CFAP44: variants seen among roughly 807,000 people sequenced by gnomAD.
CFAP44 encodes the protein cilia and flagella associated protein 44, also known as cilia- and flagella-associated protein 44.
Under a neutral mutation model 216.2 loss-of-function variants are expected in CFAP44, and 134 were observed. The ratio of observed to expected loss-of-function variants is 0.62; its 90% confidence interval spans 0.54 to 0.72. CFAP44 has a LOEUF of 0.72. Among genes scored for constraint, CFAP44 ranks in the 30% least tolerant of loss-of-function variants. The pLI is 0.00. For missense variants in CFAP44, 2,035 were observed against 2,182.1 expected (o/e 0.93, Z 1.34); for synonymous variants, 700 against 727.6 (o/e 0.96, Z 0.61).
At chr3:113,327,529 T>C (rs1454549222) in intron 27 of CFAP44, 87 bp downstream of exon 27, 4 of 1,198,482 alleles carry the variant, frequency 3.3e-6, no homozygotes, top group Non-Finnish European at 4.6e-6. Context: ...CTAGAACAAG[T>C]GGGAGATTTG....
intron 28 of CFAP44, among the ~76,000 whole-genome samples, chr3:113,320,486 T>C (rs1226103973): frequency 1.0e-5 from 1 of 99,682 alleles, no homozygotes; most frequent in Non-Finnish European, 2.2e-5. Context: ...ATATATGATA[T>C]ATAGATGTAA....
rs1322621351 is a variant in CFAP44, at chr3:113,290,303, A to T, written c.*1254T>A. The T allele has an allele frequency of 6.6e-6, 1 of 152,264 alleles. No homozygotes were observed. The highest frequency in any genetic ancestry group is 1.5e-5 in the Non-Finnish European group (1 of 68,048). 9.4% of individuals were successfully genotyped at this position (152,264 alleles called of 1,614,324 possible). A position where few individuals can be genotyped will look rare whatever the true frequency, so the allele number is the denominator to read the frequency against. On this transcript the variant is annotated 3_prime_UTR_variant, in exon 35 of 35. Coordinates refer to ENST00000393845, the MANE Select transcript of CFAP44 (RefSeq NM_001164496.2). ...TTAAATAGGAATATGAAGGAATCTTAGGAAGACAATAGGCCAAGTGGCCAC... is the reference window on the plus strand; with the variant it reads ...TTAAATAGGAATATGAAGGAATCTTTGGAAGACAATAGGCCAAGTGGCCAC...
intron 18 of CFAP44, 65 bp downstream of exon 18, chr3:113,373,346 G>T: frequency 7.5e-7 from 1 of 1,335,012 alleles, no homozygotes; most frequent in African/African-American, 1.5e-5. Context: ...CAATATCCAT[G>T]ATGAACAAAA....
intron 32 of CFAP44, among the ~76,000 whole-genome samples, chr3:113,302,764 C>A (rs1576537144): frequency 8.1e-6 from 1 of 123,622 alleles, no homozygotes; most frequent in Admixed American, 8.7e-5. Context: ...TAGAGTGAGA[C>A]TCCATCTCAA....
At position 113,291,465 on chromosome 3, in the gene CFAP44, T is replaced by A; in HGVS notation, c.*92A>T. ...TTTTACACTTTCAGGCGAGTTCAGT[T>A]TAAAGTAATAAGATTGTTGGAGGTG... On this transcript the variant is annotated 3_prime_UTR_variant, in exon 35 of 35. Transcript: ENST00000393845. The A allele has an allele frequency of 7.1e-7, 1 of 1,401,786 alleles. No homozygotes were observed. Among genetic ancestry groups the A allele is most frequent in the South Asian group, 1.4e-5 (1 of 71,212 alleles). The allele number at this position is 1,401,786 out of a possible 1,614,324, so 86.8% of individuals were successfully genotyped here. A position where few individuals can be genotyped will look rare whatever the true frequency, so the allele number is the denominator to read the frequency against.
chr3:113,415,422 T>C (rs2107384692), intron 6 of CFAP44, among the ~76,000 whole-genome samples: 2 of 152,302 alleles, frequency 1.3e-5, no homozygotes, highest in South Asian at 4.1e-4. Context: ...ATTCATTTGC[T>C]CTTGCCTCTC....
intron 22 of CFAP44, 123 bp downstream of exon 22, chr3:113,358,622 A>G: frequency 8.0e-7 from 1 of 1,256,608 alleles, no homozygotes; most frequent in Non-Finnish European, 1.0e-6. Flanking sequence ...ATTCCTTGAG[A>G]TTTCAAGTCA....
At chr3:113,394,663 A>G (rs1236067800) in intron 15 of CFAP44, among the ~76,000 whole-genome samples, 1 of 152,170 alleles carries the variant, frequency 6.6e-6, no homozygotes, top group Non-Finnish European at 1.5e-5. Flanking sequence ...CCACACTGCA[A>G]AAAGAAGAAT....
chr3:113,403,891 C>T lies in CFAP44; in HGVS notation c.1131G>A (p.Glu377=), dbSNP rs147735822. The T allele has an allele frequency of 5.0e-6, 8 of 1,614,114 alleles. No individual in the cohort carries two copies. The African/African-American group carries it at 8.0e-5, about 16-fold the overall frequency. The change falls in exon 9 of 35, where the codon GAG becomes GAA. Residue 377 remains glutamate (E), a synonymous_variant. Transcript: ENST00000393845. ...NGPINQIMLY[E]GEVITVGSDG... ...CTGACCCAACAGTGATAACTTCACC[C>T]TCATACAGCATTATCTGGTTAATGG...
At chr3:113,336,519 T>C (rs1264223384) in intron 24 of CFAP44, among the ~76,000 whole-genome samples, 4 of 151,922 alleles carry the variant, frequency 2.6e-5, no homozygotes, top group African/African-American at 9.7e-5. Flanking sequence ...CAAGAAGAAA[T>C]AGAACATCTG....
chr3:113,364,833 C>G (rs943072316), intron 19 of CFAP44, among the ~76,000 whole-genome samples: 2 of 152,114 alleles, frequency 1.3e-5, no homozygotes, highest in Non-Finnish European at 2.9e-5. Context: ...GCTCTGGCAT[C>G]TGTACTTCTA....
chr3:113,401,437 A>G, intron 10 of CFAP44, 147 bp downstream of exon 10: 1 of 1,210,016 alleles, frequency 8.3e-7, no homozygotes, highest in Non-Finnish European at 1.1e-6. Context: ...TAATAAAAAC[A>G]ACTTCTATAT....
intron 8 of CFAP44, among the ~76,000 whole-genome samples, chr3:113,404,341 A>C (rs1934218783): frequency 6.6e-6 from 1 of 152,172 alleles, no homozygotes; most frequent in Non-Finnish European, 1.5e-5. Flanking sequence ...GAATTAGATG[A>C]GAGTCTACTT....
intron 6 of CFAP44, among the ~76,000 whole-genome samples, chr3:113,410,850 T>G (rs2107375742): frequency 6.6e-6 from 1 of 152,356 alleles, no homozygotes; most frequent in South Asian, 2.1e-4. Context: ...CTAACTGGTG[T>G]GAGATGGTAT....
At chr3:113,400,085 T>C in intron 12 of CFAP44, 85 bp from the exon 13 acceptor site, 1 of 867,648 alleles carries the variant, frequency 1.2e-6, no homozygotes, top group Non-Finnish European at 1.7e-6. Context: ...TTGAATATTA[T>C]AACAAGAAAT....
At chr3:113,436,500 C>G (rs1935244127) in intron 1 of CFAP44, among the ~76,000 whole-genome samples, 1 of 152,176 alleles carries the variant, frequency 6.6e-6, no homozygotes, top group Non-Finnish European at 1.5e-5. Flanking sequence ...CAACAATTCT[C>G]TTTCAAAATA....
rs1389762561 is a variant in CFAP44, at chr3:113,345,126, AGATT to A, written c.3066-418_3066-415del. Among the ~76,000 whole-genome samples the A allele has an allele frequency of 5.4e-5, 8 of 148,472 alleles. No individual in the cohort carries two copies. In the East Asian group the frequency reaches 5.8e-4, roughly 11 times the overall value. Reference sequence around the variant, plus strand: ...ATATCTATACATATACATATATAATAGATTATTATATAAAATGTATAATAGATAT... The same window carrying A: ...ATATCTATACATATACATATATAATAATTATATAAAATGTATAATAGATAT... On this transcript the variant is annotated intron_variant, in intron 22 of 34. Transcript: ENST00000393845.
In CFAP44 at chr3:113,420,163, C is replaced by T. The variant is rs1186919771; in HGVS notation, c.424G>A (p.Asp142Asn). ...LLTLVHSFGY[D>N]CRKRANLQLL... The stretch of plus-strand genomic sequence containing the variant: ...TGTAGGTTGGCTCGCTTTCTACAGT[C>T]ATAACCAAAAGAATGTCTGAGGGAA... Residue 142 changes from aspartate to asparagine, a missense_variant, in exon 5 of 35, where the codon GAC (aspartate) becomes AAC (asparagine). Asp to Asn is a conservative substitution (Grantham distance 23). Coordinates refer to ENST00000393845, the MANE Select transcript of CFAP44 (RefSeq NM_001164496.2). 6.2e-7 allele frequency: 1 copy of T among 1,611,138 alleles called. No individual in the cohort carries two copies. Among genetic ancestry groups the T allele is most frequent in the Admixed American group, 1.7e-5 (1 of 59,706 alleles).
intron 28 of CFAP44, 143 bp from the exon 29 acceptor site, chr3:113,308,411 G>T (rs1315145416): frequency 9.0e-6 from 6 of 664,516 alleles, no homozygotes; most frequent in Non-Finnish European, 1.2e-5. Context: ...AGGACACAAA[G>T]AACACAAACC....
Sources: gnomAD v4.1 joint callset for allele counts (sites outside exome capture counted in the v4.1 genomes callset) on GRCh38, gnomAD v4.1.1 for gene constraint, MANE v1.5 for transcripts, NCBI Gene and HGNC (gene_info 2026-07-23, HGNC 2026-07-21) for gene names.